OPCML: variants seen among roughly 807,000 people sequenced by gnomAD.
OPCML encodes opioid binding protein/cell adhesion molecule like.
Under a neutral mutation model 37.8 loss-of-function variants are expected in OPCML, and 13 were observed. The observed-to-expected ratio is 0.34, with a 90% CI of 0.22 to 0.55. The LOEUF (loss-of-function observed/expected upper bound fraction) is 0.55. Ranked by LOEUF, OPCML falls within the 20% of genes least tolerant of loss-of-function variation. OPCML has a pLI of 0.91. For missense variants in OPCML, 341 were observed against 435.6 expected (o/e 0.78, Z 1.93); for synonymous variants, 176 against 168.8 (o/e 1.04, Z -0.33).
At position 133,458,267 on chromosome 11, in the gene OPCML, TATATATACACACATATATACAC is replaced by T. The variant is rs1946732587; in HGVS notation, c.61+73975_61+73996del. Among the ~76,000 whole-genome samples the T allele has an allele frequency of 4.1e-5, 3 of 73,400 alleles. 1 individual carries two copies. In the East Asian group the frequency reaches 1.3e-3, roughly 33 times the overall value. The allele number at this position is 73,400 out of a possible 152,430, so 48.2% of individuals were successfully genotyped here. ...ATACACATATATATACACGTGTGTG[TATATATACACACATATATACAC>T]GTGTGTGTATATATATACACATATA... On this transcript the variant is annotated intron_variant, in intron 1 of 7. Transcript: ENST00000524381.
chr11:133,237,425 G>C (rs1365508013), intron 1 of OPCML, among the ~76,000 whole-genome samples: 1 of 152,188 alleles, frequency 6.6e-6, no homozygotes, highest in Non-Finnish European at 1.5e-5. Context: ...GTGCAGTGAG[G>C]TATTACCAGG....
intron 1 of OPCML, among the ~76,000 whole-genome samples, chr11:133,153,594 ACT>A (rs1950017076): frequency 6.6e-6 from 1 of 151,880 alleles, no homozygotes; most frequent in African/African-American, 2.4e-5. Context: ...AATATCCAAG[ACT>A]CTAAGTGGCT....
chr11:133,106,946 C>CA (rs1259360031), intron 1 of OPCML, among the ~76,000 whole-genome samples: 1 of 152,138 alleles, frequency 6.6e-6, no homozygotes, highest in Non-Finnish European at 1.5e-5. Flanking sequence ...TGTTAACTGC[C>CA]ATGAAGGGAA....
chr11:133,043,649 C>T (rs1947950225), intron 1 of OPCML, among the ~76,000 whole-genome samples: 1 of 152,194 alleles, frequency 6.6e-6, no homozygotes, highest in Admixed American at 6.5e-5. Flanking sequence ...CATGCAGAGC[C>T]TTCCTCCTCA....
chr11:132,960,188 T>A, intron 1 of OPCML, among the ~76,000 whole-genome samples: 1 of 152,200 alleles, frequency 6.6e-6, no homozygotes, highest in East Asian at 1.9e-4. Context: ...GTGACTTACG[T>A]GCATAATCTC....
At chr11:132,622,227 T>C (rs1166519288) in intron 3 of OPCML, among the ~76,000 whole-genome samples, 1 of 151,300 alleles carries the variant, frequency 6.6e-6, no homozygotes, top group East Asian at 1.9e-4. Flanking sequence ...TTCAAGTCCG[T>C]CAAGTGACAA....
chr11:133,062,633 C>T lies in OPCML; in HGVS notation c.62-119623G>A, dbSNP rs1237607990. Among the ~76,000 whole-genome samples, 4 of 152,156 alleles carry T rather than the reference C, an allele frequency of 2.6e-5. No individual in the cohort carries two copies. In the East Asian group the frequency reaches 5.8e-4, roughly 22 times the overall value. ...TCCCTACAGATGAGATCTTCTGAGC[C>T]CTGCTTGTAGATTTAATGCGTCACC... On this transcript the variant is annotated intron_variant, in intron 1 of 7. Coordinates refer to ENST00000524381, the MANE Select transcript of OPCML (RefSeq NM_001012393.5).
intron 1 of OPCML, among the ~76,000 whole-genome samples, chr11:133,228,244 G>A (rs989316059): frequency 7.2e-5 from 11 of 152,148 alleles, no homozygotes; most frequent in African/African-American, 2.6e-4. Flanking sequence ...CCCTTCACCC[G>A]CTCAGCTGTT....
intron 3 of OPCML, among the ~76,000 whole-genome samples, chr11:132,627,313 C>T (rs921411376): frequency 2.6e-5 from 4 of 152,268 alleles, no homozygotes; most frequent in Middle Eastern, 3.4e-3. Context: ...AACAGTTCAA[C>T]CCAAATATTG....
intron 1 of OPCML, among the ~76,000 whole-genome samples, chr11:132,982,183 A>G (rs1946602546): frequency 6.6e-6 from 1 of 152,106 alleles, no homozygotes; most frequent in African/African-American, 2.4e-5. Flanking sequence ...TTTGCTGCTA[A>G]TATTCCCACA....
intron 2 of OPCML, among the ~76,000 whole-genome samples, chr11:132,708,614 T>A (rs1281620972): frequency 6.6e-6 from 1 of 152,214 alleles, no homozygotes; most frequent in East Asian, 1.9e-4. Flanking sequence ...CCTATTGGTG[T>A]CATTAGAGTA....
At chr11:132,700,894 A>C (rs538507709) in intron 2 of OPCML, among the ~76,000 whole-genome samples, 22 of 152,336 alleles carry the variant, frequency 1.4e-4, no homozygotes, top group Non-Finnish European at 1.5e-5. Flanking sequence ...CAAGTCCCTT[A>C]CTATTACTGT....
intron 2 of OPCML, among the ~76,000 whole-genome samples, chr11:132,735,143 C>A (rs1320470080): frequency 6.6e-6 from 1 of 152,038 alleles, no homozygotes; most frequent in Non-Finnish European, 1.5e-5. Flanking sequence ...TTTGAATACT[C>A]CCAGAATCTC....
intron 3 of OPCML, among the ~76,000 whole-genome samples, chr11:132,534,330 T>A (rs1162962674): frequency 4.6e-5 from 7 of 152,282 alleles, no homozygotes; most frequent in Non-Finnish European, 7.4e-5. Context: ...TTGTTTAACA[T>A]CTCTCTGGCC....
intron 1 of OPCML, among the ~76,000 whole-genome samples, chr11:133,391,546 G>T (rs1945174107): frequency 1.3e-5 from 2 of 152,106 alleles, no homozygotes; most frequent in Admixed American, 6.6e-5. Flanking sequence ...GCTCTCATCC[G>T]CTGAGCGCTC....
At chr11:132,993,968 C>T (rs952375932) in intron 1 of OPCML, among the ~76,000 whole-genome samples, 1 of 152,206 alleles carries the variant, frequency 6.6e-6, no homozygotes, top group Non-Finnish European at 1.5e-5. Flanking sequence ...TGGAAAGTCT[C>T]CCTGAGTATT....
chr11:132,733,409 G>C (rs1945151240), intron 2 of OPCML, among the ~76,000 whole-genome samples: 1 of 152,096 alleles, frequency 6.6e-6, no homozygotes, highest in Admixed American at 6.5e-5. Flanking sequence ...ATAATATTTA[G>C]AAACAGGGGG....
intron 4 of OPCML, among the ~76,000 whole-genome samples, chr11:132,525,173 G>T (rs148129620): frequency 1.3e-5 from 2 of 152,192 alleles, no homozygotes; most frequent in Non-Finnish European, 2.9e-5. Flanking sequence ...AATCCTCATA[G>T]TTTCTGATCC....
At chr11:133,140,748 G>GGAA (rs1201885733) in intron 1 of OPCML, among the ~76,000 whole-genome samples, 3 of 62,074 alleles carry the variant, frequency 4.8e-5, no homozygotes, top group Non-Finnish European at 7.4e-5. Context: ...ACGACGACGA[G>GGAA]GAAGAAGAAG....
Sources: gnomAD v4.1 joint callset for allele counts (sites outside exome capture counted in the v4.1 genomes callset) on GRCh38, gnomAD v4.1.1 for gene constraint, MANE v1.5 for transcripts, NCBI Gene and HGNC (gene_info 2026-07-23, HGNC 2026-07-21) for gene names.